The following RADIL variants were observed in gnomAD, a reference collection of about 807,000 sequenced individuals.
The protein encoded by RADIL is Rap associating with DIL domain, also known as ras-associating and dilute domain-containing protein.
A neutral mutation model predicts 97.6 loss-of-function variants in RADIL; 99 were observed. That is an observed-to-expected ratio of 1.01 (90% CI 0.86 to 1.20). The LOEUF (loss-of-function observed/expected upper bound fraction) is 1.20, where lower values mean the gene tolerates loss of function less well. Ranked by LOEUF, RADIL falls within the 50% of genes most tolerant of loss-of-function variation. The pLI is 0.00. For missense variants in RADIL, 1,765 were observed against 1,498.9 expected (o/e 1.18, Z -2.93); for synonymous variants, 803 against 691.8 (o/e 1.16, Z -2.52).
intron 5 of RADIL, among the ~76,000 whole-genome samples, chr7:4,829,470 C>G (rs764420348): frequency 2.0e-5 from 3 of 152,184 alleles, no homozygotes; most frequent in Non-Finnish European, 4.4e-5. Flanking sequence ...GCCTGTCCCT[C>G]CTACCTTTGA....
chr7:4,850,216 T>TAAAAAAAAAAAA (rs34276261), intron 2 of RADIL, among the ~76,000 whole-genome samples: 8 of 88,032 alleles, frequency 9.1e-5, no homozygotes, highest in African/African-American at 1.3e-4. Flanking sequence ...ACGATCCCTT[T>TAAAAAAAAAAAA]AAAAAAAAAA....
At chr7:4,803,432 C>G (rs1158814260) in intron 11 of RADIL, 114 bp downstream of exon 11, 1 of 970,488 alleles carries the variant, frequency 1.0e-6, no homozygotes, top group Non-Finnish European at 1.4e-6. Flanking sequence ...CCCCGGGCAC[C>G]TCGGGGCACG....
intron 2 of RADIL, among the ~76,000 whole-genome samples, chr7:4,865,272 A>G (rs748878881): frequency 2.0e-5 from 3 of 152,258 alleles, no homozygotes; most frequent in Non-Finnish European, 4.4e-5. Flanking sequence ...GCAGTCATGT[A>G]CATTATGACA....
chr7:4,834,621 G>T lies in RADIL; in HGVS notation c.1402C>A (p.Arg468Ser). ...QLLLKIARLI[R>S]ETVWEKTKEL... Reference sequence around the variant, plus strand: ...AGCACACTGACCCAGACAGTCTCGCGGATCAGCCTGGCTATCTTGAGCAGG... The same window carrying T: ...AGCACACTGACCCAGACAGTCTCGCTGATCAGCCTGGCTATCTTGAGCAGG... Residue 468 changes from arginine to serine, a missense_variant, in exon 4 of 15, where the codon CGC (arginine) becomes AGC (serine). Physicochemically the swap from Arg to Ser is moderately radical, Grantham distance 110. Coordinates refer to ENST00000399583, the MANE Select transcript of RADIL (RefSeq NM_018059.5). This position sits in a 1 kb window ranked among gnomAD's most constrained non-coding sequence, Gnocchi z 6.0. The T allele has an allele frequency of 7.5e-7, 1 of 1,340,212 alleles. No individual in the cohort carries two copies. The highest frequency in any genetic ancestry group is 9.6e-7 in the Non-Finnish European group (1 of 1,038,776). The allele number at this position is 1,340,212 out of a possible 1,614,324, so 83.0% of individuals were successfully genotyped here.
Position 4,834,453 on chromosome 7 carries a change from C to T in RADIL, c.1416+154G>A, listed in dbSNP as rs1026979907. 2.0e-5 allele frequency among the ~76,000 whole-genome samples: 3 copies of T among 152,146 alleles called. No individual in the cohort carries two copies. The highest frequency in any genetic ancestry group is 7.2e-5 in the African/African-American group (3 of 41,442). On this transcript the variant is annotated intron_variant, in intron 4 of 14. Coordinates refer to ENST00000399583, the MANE Select transcript of RADIL (RefSeq NM_018059.5). The surrounding 1 kb of genome is among the most constrained non-coding windows in gnomAD (Gnocchi z 6.0). The stretch of plus-strand genomic sequence containing the variant: ...TCTGGTGGCCTGTGGGGCTGGGGGG[C>T]AGCGACAGGCAGGGAAAGGCCGCCC...
chr7:4,846,037 A>G (rs1783560396), intron 2 of RADIL, among the ~76,000 whole-genome samples: 2 of 151,960 alleles, frequency 1.3e-5, no homozygotes, highest in Non-Finnish European at 2.9e-5. Flanking sequence ...TGGGCACGCC[A>G]CCAACAGCGA....
intron 4 of RADIL, among the ~76,000 whole-genome samples, chr7:4,832,869 G>A (rs1280895379): frequency 6.6e-6 from 1 of 152,196 alleles, no homozygotes; most frequent in Non-Finnish European, 1.5e-5. Flanking sequence ...TGAGGACGGG[G>A]CAGCGGCGAC....
intron 2 of RADIL, chr7:4,859,801 G>A (rs1016324044): frequency 2.8e-6 from 2 of 717,368 alleles, no homozygotes; most frequent in Non-Finnish European, 4.7e-6. Flanking sequence ...TTTTCTAATG[G>A]AGTTGTACTT....
rs565287742 is a variant in RADIL at position 4,849,727 on chromosome 7, G to A, written c.536-13122C>T. Among the ~76,000 whole-genome samples, 8 of 152,192 alleles carry A rather than the reference G, an allele frequency of 5.3e-5. No individual in the cohort carries two copies. The highest frequency in any genetic ancestry group is 2.0e-4 in the Admixed American group (3 of 15,288). ...CTGTGTGGGGAGTGTGGACAGGGACGGCTCTCATTTGAAAAGACTTAGAAT... is the reference window on the plus strand; with the variant it reads ...CTGTGTGGGGAGTGTGGACAGGGACAGCTCTCATTTGAAAAGACTTAGAAT... On this transcript the variant is annotated intron_variant, in intron 2 of 14. Transcript: ENST00000399583. This position sits in a 1 kb window ranked among gnomAD's most constrained non-coding sequence, Gnocchi z 5.4.
intron 9 of RADIL, chr7:4,809,259 GGCGAGA>G (rs1782464347): frequency 2.0e-6 from 2 of 985,350 alleles, no homozygotes; most frequent in Non-Finnish European, 2.4e-6. Flanking sequence ...CGCCAAGCTG[GGCGAGA>G]GGCCGGGGCC....
At position 4,836,623 on chromosome 7, in the gene RADIL, C is replaced by G; in HGVS notation, c.536-18G>C. 6.2e-7 allele frequency: 1 copy of G among 1,604,606 alleles called. No individual in the cohort carries two copies. Among genetic ancestry groups the G allele is most frequent in the Non-Finnish European group, 8.5e-7 (1 of 1,179,636 alleles). ...GTTTATCCCTGGAACAGAAGCAACA[C>G]AAGGTGAACAGTTAGAAGTCTCATA... On this transcript the variant is annotated intron_variant, in intron 2 of 14. Coordinates refer to ENST00000399583, the MANE Select transcript of RADIL (RefSeq NM_018059.5).
Position 4,877,794 on chromosome 7 carries a change from C to G in RADIL, c.346G>C (p.Val116Leu), listed in dbSNP as rs1018433597. Residue 116 changes from valine (V) to leucine (L), a missense_variant, in exon 2 of 15, where the codon GTG (valine) becomes CTG (leucine). By Grantham distance (32) the Val-to-Leu change is conservative. Coordinates refer to ENST00000399583, the MANE Select transcript of RADIL (RefSeq NM_018059.5). ...TGCCCAGCATCGCCGGCTTGGCCCA[C>G]CACGTCACACAGCACGTACTGGCCG... The part of the protein sequence containing the change: ...QAGQYVLCDV[V>L]GQAGDAGQRW... 3 of 1,611,546 alleles carry G rather than the reference C, an allele frequency of 1.9e-6. No individual in the cohort carries two copies. The highest frequency in any genetic ancestry group is 2.5e-6 in the Non-Finnish European group (3 of 1,179,926).
chr7:4,860,619 T>C, intron 2 of RADIL: 1 of 1,614,198 alleles, frequency 6.2e-7, no homozygotes, highest in East Asian at 2.2e-5. Context: ...ATTCGGATCT[T>C]TGATTCCACC....
At chr7:4,860,454 G>A in intron 2 of RADIL, 1 of 1,614,156 alleles carries the variant, frequency 6.2e-7, no homozygotes, top group Non-Finnish European at 8.5e-7. Context: ...TCAATGCTGA[G>A]AATTTCAGAA....
intron 14 of RADIL, 46 bp downstream of exon 14, chr7:4,799,584 C>A: frequency 6.2e-7 from 1 of 1,607,566 alleles, no homozygotes; most frequent in Non-Finnish European, 8.5e-7. Flanking sequence ...CTCCCCTGAG[C>A]AGGGCATCTG....
At chr7:4,875,665 C>T (rs114194843) in intron 2 of RADIL, among the ~76,000 whole-genome samples, 15 of 152,340 alleles carry the variant, frequency 9.8e-5, no homozygotes, top group Non-Finnish European at 1.8e-4. Flanking sequence ...GCAGAGGCAA[C>T]GCATGGTGGA....
chr7:4,826,336 G>A (rs1430864798), intron 5 of RADIL, among the ~76,000 whole-genome samples: 2 of 152,088 alleles, frequency 1.3e-5, no homozygotes, highest in African/African-American at 4.8e-5. Context: ...TGAGGATGGG[G>A]GTCGAAGCAT....
rs906053281 is a variant in RADIL at position 4,837,093 on chromosome 7, A to G, written c.536-488T>C. Among the ~76,000 whole-genome samples the G allele has an allele frequency of 6.6e-6, 1 of 152,180 alleles. No homozygotes were observed. Among genetic ancestry groups the G allele is most frequent in the African/African-American group, 2.4e-5 (1 of 41,436 alleles). On this transcript the variant is annotated intron_variant, in intron 2 of 14. Transcript: ENST00000399583. The surrounding 1 kb of genome is among the most constrained non-coding windows in gnomAD (Gnocchi z 5.6). ...TCTGCCCTCTAGCCACGCCCCTCGA[A>G]AAACCAGACAGTGCCTTGGCACCAC...
In RADIL at chr7:4,822,771, A is replaced by G. The variant is rs576768649; in HGVS notation, c.1455-217T>C. On this transcript the variant is annotated intron_variant, in intron 5 of 14. Transcript: ENST00000399583. The surrounding 1 kb of genome is among the most constrained non-coding windows in gnomAD (Gnocchi z 5.3). ...AGCCAGAGGACCCTACAAACCTAGC[A>G]GGAAGACAGCTGGGCGCCACAGCCA... 6.6e-6 allele frequency among the ~76,000 whole-genome samples: 1 copy of G among 152,344 alleles called. No homozygotes were observed. Among genetic ancestry groups the G allele is most frequent in the South Asian group, 2.1e-4 (1 of 4,824 alleles).
Sources: gnomAD v4.1 joint callset for allele counts (sites outside exome capture counted in the v4.1 genomes callset) on GRCh38, gnomAD v4.1.1 for gene constraint, Gnocchi (gnomAD v3.1) non-coding constraint, MANE v1.5 for transcripts, NCBI Gene and HGNC (gene_info 2026-07-23, HGNC 2026-07-21) for gene names.